Variants in GLYR1 observed in about 807,000 individuals in gnomAD.
GLYR1 encodes cytokine-like nuclear factor N-PAC.
In GLYR1, 21 loss-of-function variants were observed where a neutral mutation model predicts 72.7. The ratio of observed to expected loss-of-function variants is 0.29; its 90% confidence interval spans 0.20 to 0.42. The LOEUF is 0.42. Ranked by LOEUF, GLYR1 falls within the 10% of genes least tolerant of loss-of-function variation. The probability of loss-of-function intolerance (pLI) is 1.00; values close to 1 mark genes in which losing one functional copy is unlikely to be tolerated. For missense variants in GLYR1, 594 were observed against 712.1 expected, an observed-to-expected ratio of 0.83 and a Z score of 1.89; for synonymous variants, 392 against 270.2, an observed-to-expected ratio of 1.45 and a Z score of -4.42.
rs1225612533 is a variant in GLYR1, at chr16:4,812,068, C to T, written c.1282+18G>A. On this transcript the variant is annotated intron_variant, in intron 13 of 15. Coordinates refer to ENST00000321919, the MANE Select transcript of GLYR1 (RefSeq NM_032569.4). ...ATGTGGCCCCAGGCTCCAGGCCTGA[C>T]AGGTGCAGGCGTGTTACCTAGGAAG... The T allele has an allele frequency of 1.2e-6, 2 of 1,608,028 alleles. No homozygotes were observed. Among genetic ancestry groups the T allele is most frequent in the Non-Finnish European group, 8.5e-7 (1 of 1,177,398 alleles).
At chr16:4,845,593 A>G (rs1460269882) in intron 2 of GLYR1, among the ~76,000 whole-genome samples, 1 of 152,118 alleles carries the variant, frequency 6.6e-6, no homozygotes, top group South Asian at 2.1e-4. Flanking sequence ...CACAGGACAT[A>G]GTGAAAACAA....
At chr16:4,824,868 C>A (rs1445456096) in intron 5 of GLYR1, among the ~76,000 whole-genome samples, 1 of 152,142 alleles carries the variant, frequency 6.6e-6, no homozygotes, top group African/African-American at 2.4e-5. Flanking sequence ...CCTCTTGACA[C>A]CCCCTGCCTA....
chr16:4,817,574 C>A (rs1397380009), intron 10 of GLYR1, 24 bp downstream of exon 10: 5 of 1,458,468 alleles, frequency 3.4e-6, no homozygotes, highest in Non-Finnish European at 3.9e-6. Context: ...ACCGATCCAA[C>A]AGGCACCACC....
At chr16:4,808,873 G>A (rs1269050617) in intron 15 of GLYR1, among the ~76,000 whole-genome samples, 1 of 152,084 alleles carries the variant, frequency 6.6e-6, no homozygotes, top group African/African-American at 2.4e-5. Context: ...GGCTGAGGTG[G>A]GAGGATTGCT....
intron 5 of GLYR1, 56 bp from the exon 6 acceptor site, chr16:4,823,963 C>T: frequency 1.4e-6 from 2 of 1,380,234 alleles, no homozygotes; most frequent in Non-Finnish European, 2.1e-6. Context: ...AACAAAACCC[C>T]TTGCAAGCTC....
chr16:4,817,913 A>T lies in GLYR1; in HGVS notation c.807-216T>A, dbSNP rs2083752150. The T allele has an allele frequency of 9.6e-6, 5 of 520,056 alleles. No homozygotes were observed. The South Asian group carries it at 1.2e-4, about 12-fold the overall frequency. 32.2% of individuals were successfully genotyped at this position (520,056 alleles called of 1,614,324 possible). On this transcript the variant is annotated intron_variant, in intron 9 of 15. Transcript: ENST00000321919. ...TCTAAAGCTGTCCCAGGATGTAAACAGGCATTTTGAAACCCCTGACTGTCA... is the reference window on the plus strand; with the variant it reads ...TCTAAAGCTGTCCCAGGATGTAAACTGGCATTTTGAAACCCCTGACTGTCA...
intron 5 of GLYR1, among the ~76,000 whole-genome samples, chr16:4,826,960 T>C (rs1177455964): frequency 2.6e-5 from 4 of 152,190 alleles, no homozygotes; most frequent in Admixed American, 6.5e-5. Context: ...CTGCTCCTCG[T>C]GTGAGTATGG....
intron 3 of GLYR1, among the ~76,000 whole-genome samples, chr16:4,841,584 G>C (rs1434082537): frequency 6.6e-6 from 1 of 151,328 alleles, no homozygotes; most frequent in African/African-American, 2.4e-5. Flanking sequence ...AGTCAAGGAT[G>C]CAGTAAGCCA....
intron 3 of GLYR1, among the ~76,000 whole-genome samples, chr16:4,835,776 AGCCAGTATTGT>A (rs1193449724): frequency 3.3e-5 from 5 of 152,330 alleles, no homozygotes; most frequent in African/African-American, 9.6e-5. Flanking sequence ...GGTTGCAGTG[AGCCAGTATTGT>A]GCCACTGCAC....
Position 4,805,130 on chromosome 16 carries a change from G to A in GLYR1, c.*106C>T, listed in dbSNP as rs974600279. Reference sequence around the variant, plus strand: ...TCTCAAAGTCTGTATAAAAGGAAATGGAGATAGGTGGGCTGGTCCAGAATG... The same window carrying A: ...TCTCAAAGTCTGTATAAAAGGAAATAGAGATAGGTGGGCTGGTCCAGAATG... On this transcript the variant is annotated 3_prime_UTR_variant, in exon 16 of 16. Coordinates refer to ENST00000321919, the MANE Select transcript of GLYR1 (RefSeq NM_032569.4). 1 of 881,966 alleles carries A rather than the reference G, an allele frequency of 1.1e-6. No individual in the cohort carries two copies. Among genetic ancestry groups the A allele is most frequent in the Admixed American group, 2.0e-5 (1 of 50,622 alleles). 54.6% of individuals were successfully genotyped at this position (881,966 alleles called of 1,614,324 possible).
Position 4,821,388 on chromosome 16 carries a change from T to C in GLYR1, c.798A>G (p.Thr266=). The change falls in exon 9 of 16, where the codon ACA becomes ACG. Residue 266 remains threonine, a synonymous_variant. Coordinates refer to ENST00000321919, the MANE Select transcript of GLYR1 (RefSeq NM_032569.4). The stretch of plus-strand genomic sequence containing the variant: ...TTCATCAAAGGTCCTACTTTTTGTC[T>C]GTGGGTGTGATGCTGCCATTCACGG... ...STAVNGSITP[T]DKKIGFLGLG... 6.2e-7 allele frequency: 1 copy of C among 1,613,060 alleles called. No individual in the cohort carries two copies. The highest frequency in any genetic ancestry group is 1.7e-5 in the Admixed American group (1 of 60,034).
chr16:4,847,170 C>G lies in GLYR1; in HGVS notation c.38+58G>C. The G allele has an allele frequency of 2.0e-6, 3 of 1,525,026 alleles. No homozygotes were observed. In the South Asian group the frequency reaches 3.5e-5, roughly 18 times the overall value. The allele number at this position is 1,525,026 out of a possible 1,614,324, so 94.5% of individuals were successfully genotyped here. A position where few individuals can be genotyped will look rare whatever the true frequency, so the allele number is the denominator to read the frequency against. Reference sequence around the variant, plus strand: ...CAGCTCCAGGGCCGGCAGCGAACCCCGCGCCCAGGCGGGTAGCTCCCCGGC... The same window carrying G: ...CAGCTCCAGGGCCGGCAGCGAACCCGGCGCCCAGGCGGGTAGCTCCCCGGC... On this transcript the variant is annotated intron_variant, in intron 1 of 15. Coordinates refer to ENST00000321919, the MANE Select transcript of GLYR1 (RefSeq NM_032569.4).
At chr16:4,818,978 C>A (rs927098156) in intron 9 of GLYR1, among the ~76,000 whole-genome samples, 1 of 152,146 alleles carries the variant, frequency 6.6e-6, no homozygotes, top group Non-Finnish European at 1.5e-5. Flanking sequence ...CTTCCTGCAA[C>A]CCTGAGAGCT....
At chr16:4,825,553 T>G (rs2084325244) in intron 5 of GLYR1, among the ~76,000 whole-genome samples, 1 of 152,242 alleles carries the variant, frequency 6.6e-6, no homozygotes, top group Non-Finnish European at 1.5e-5. Flanking sequence ...AACAAATGCC[T>G]TCATAGGGCT....
chr16:4,837,385 C>A (rs1315915480), intron 3 of GLYR1, among the ~76,000 whole-genome samples: 2 of 151,180 alleles, frequency 1.3e-5, no homozygotes, highest in African/African-American at 4.9e-5. Context: ...GAGTGCAGAT[C>A]GTGCTACTGC....
rs983319131 is a variant in GLYR1, at chr16:4,805,060, C to T, written c.*176G>A. The T allele has an allele frequency of 1.8e-5, 11 of 625,360 alleles. No individual in the cohort carries two copies. Among genetic ancestry groups the T allele is most frequent in the East Asian group, 5.5e-5 (2 of 36,212 alleles). The allele number at this position is 625,360 out of a possible 1,614,324, so 38.7% of individuals were successfully genotyped here. ...CTGCTGACACTTGTCCCCTCCCCAC[C>T]GGCCTCAGGGGAAGGGTGCTGCTGT... On this transcript the variant is annotated 3_prime_UTR_variant, in exon 16 of 16. Coordinates refer to ENST00000321919, the MANE Select transcript of GLYR1 (RefSeq NM_032569.4).
chr16:4,817,556 C>T, intron 10 of GLYR1, 42 bp downstream of exon 10: 1 of 1,231,152 alleles, frequency 8.1e-7, no homozygotes, highest in Non-Finnish European at 1.2e-6. Flanking sequence ...AGGGTTACCC[C>T]AGACTCCACC....
intron 15 of GLYR1, 22 bp from the exon 16 acceptor site, chr16:4,805,332 C>T: frequency 1.2e-6 from 2 of 1,605,866 alleles, no homozygotes; most frequent in Non-Finnish European, 1.7e-6. Context: ...AGAGATGGCT[C>T]AGTCTCTGGC....
chr16:4,810,651 C>A (rs1401318939), intron 15 of GLYR1, among the ~76,000 whole-genome samples: 2 of 118,872 alleles, frequency 1.7e-5, no homozygotes, highest in African/African-American at 6.7e-5. Flanking sequence ...ATCACGAGGT[C>A]AGGAGATCGA....
Sources: allele counts gnomAD v4.1 joint callset (sites outside exome capture counted in the v4.1 genomes callset), GRCh38; gene constraint gnomAD v4.1.1; transcripts MANE v1.5; gene names NCBI Gene and HGNC (gene_info 2026-07-23, HGNC 2026-07-21).